The following PIK3R1 variants were observed in gnomAD, a reference collection of about 807,000 sequenced individuals.
PIK3R1 encodes the protein phosphatidylinositol 3-kinase regulatory subunit alpha.
A neutral mutation model predicts 98.0 loss-of-function variants in PIK3R1; 29 were observed. The ratio of observed to expected loss-of-function variants is 0.30; its 90% CI spans 0.22 to 0.40. The LOEUF is 0.40. PIK3R1 is among the 10% of genes least tolerant of loss of function. The pLI, the probability that PIK3R1 is intolerant of heterozygous loss-of-function variation, is 1.00. For synonymous variants in PIK3R1, 282 were observed against 311.8 expected (o/e 0.90, Z 1.01); for missense variants, 596 against 872.7 (o/e 0.68, Z 3.99).
At chr5:68,238,151 C>T (rs985790693) in intron 2 of PIK3R1, among the ~76,000 whole-genome samples, 6 of 152,162 alleles carry the variant, frequency 3.9e-5, no homozygotes, top group Non-Finnish European at 4.4e-5. Context: ...GAAAGTCAGG[C>T]GGTGAACGCA....
intron 2 of PIK3R1, among the ~76,000 whole-genome samples, chr5:68,265,585 T>G (rs1746090992): frequency 6.6e-6 from 1 of 152,152 alleles, no homozygotes; most frequent in Non-Finnish European, 1.5e-5. Context: ...AATCCCATCG[T>G]GAGAGCACTT....
chr5:68,298,647 A>C lies in PIK3R1; in HGVS notation c.*1046A>C, dbSNP rs1213028265. 1.3e-5 allele frequency: 3 copies of C among 232,832 alleles called. No individual in the cohort carries two copies. Among genetic ancestry groups the C allele is most frequent in the Non-Finnish European group, 2.5e-5 (3 of 117,798 alleles). The allele number at this position is 232,832 out of a possible 1,614,324, so 14.4% of individuals were successfully genotyped here. On this transcript the variant is annotated 3_prime_UTR_variant, in exon 16 of 16. Coordinates refer to ENST00000521381, the MANE Select transcript of PIK3R1 (RefSeq NM_181523.3). ...TTCTTGTACAGAGTACTTGGCTGTT[A>C]GCCCAAGGTTAAAAAGTTCATAACA...
intron 1 of PIK3R1, among the ~76,000 whole-genome samples, chr5:68,222,747 G>A (rs1744133542): frequency 6.6e-6 from 1 of 152,126 alleles, no homozygotes; most frequent in Non-Finnish European, 1.5e-5. Flanking sequence ...GAGTTAAAGA[G>A]GCAGACAGAC....
intron 2 of PIK3R1, among the ~76,000 whole-genome samples, chr5:68,252,386 TG>T (rs768378256): frequency 7.3e-6 from 1 of 137,646 alleles, no homozygotes; most frequent in African/African-American, 2.7e-5. Context: ...AAAAAAAAAG[TG>T]GGGGGATCAG....
In PIK3R1 at chr5:68,280,657, G is replaced by A. The variant is rs1746796928; in HGVS notation, c.764G>A (p.Ser255Asn). Residue 255 changes from serine (S) to asparagine (N), a missense_variant, in exon 6 of 16, where the codon AGC becomes AAC. Ser to Asn is a conservative substitution (Grantham distance 46). This residue lies in a region of PIK3R1 where 352 missense variants were observed against 393.3 expected (regional missense o/e 0.90). Coordinates refer to ENST00000521381, the MANE Select transcript of PIK3R1 (RefSeq NM_181523.3). ...KHFFKLSQTS[S>N]KNLLNARVLS... Reference sequence around the variant, plus strand: ...TTCTTCAAGCTCTCTCAAACCTCCAGCAAAAATCTGTTGAATGCAAGAGTA... The same window carrying A: ...TTCTTCAAGCTCTCTCAAACCTCCAACAAAAATCTGTTGAATGCAAGAGTA... 6.2e-7 allele frequency: 1 copy of A among 1,613,928 alleles called. No individual in the cohort carries two copies. Among genetic ancestry groups the A allele is most frequent in the Admixed American group, 1.7e-5 (1 of 60,000 alleles).
intron 9 of PIK3R1, 46 bp from the exon 10 acceptor site, chr5:68,293,257 C>A (rs1747493522): frequency 6.3e-7 from 1 of 1,593,968 alleles, no homozygotes; most frequent in East Asian, 2.2e-5. Flanking sequence ...AACATATTTC[C>A]TTATTCCAAA....
rs1747959938 is a variant in PIK3R1, at chr5:68,300,175, C to A, written c.*2574C>A. 1 of 233,088 alleles carries A rather than the reference C, an allele frequency of 4.3e-6. No homozygotes were observed. The highest frequency in any genetic ancestry group is 8.5e-6 in the Non-Finnish European group (1 of 118,032). 14.4% of individuals were successfully genotyped at this position (233,088 alleles called of 1,614,324 possible). On this transcript the variant is annotated 3_prime_UTR_variant, in exon 16 of 16. Transcript: ENST00000521381. ...TTAGGCATTTGCCTTATTTTTGCAT[C>A]TCACAAACATAAGTGCAATAGATCT...
chr5:68,285,835 AG>A (rs1405387921), intron 7 of PIK3R1, among the ~76,000 whole-genome samples: 2 of 152,214 alleles, frequency 1.3e-5, no homozygotes, highest in Non-Finnish European at 2.9e-5. Context: ...ATGTCAGTTA[AG>A]ACCAGTGGAT....
chr5:68,295,673 T>C, intron 14 of PIK3R1, 185 bp downstream of exon 14: 1 of 607,486 alleles, frequency 1.6e-6, no homozygotes, highest in South Asian at 2.0e-5. Context: ...TAAGGAGGAC[T>C]AGGATTTATT....
Position 68,226,638 on chromosome 5 carries a change from A to G in PIK3R1, c.-38A>G, listed in dbSNP as rs746745917. 1.2e-5 allele frequency: 18 copies of G among 1,540,436 alleles called. No individual in the cohort carries two copies. The highest frequency in any genetic ancestry group is 5.5e-5 in the African/African-American group (4 of 73,172). ...ACGTAAAATCAGACTGCTCTGTACA[A>G]CCAGGCTCAACTGTTGCATGGTAGC... On this transcript the variant is annotated 5_prime_UTR_variant, in exon 2 of 16. Coordinates refer to ENST00000521381, the MANE Select transcript of PIK3R1 (RefSeq NM_181523.3).
At chr5:68,231,123 G>T (rs1011758667) in intron 2 of PIK3R1, among the ~76,000 whole-genome samples, 31 of 152,346 alleles carry the variant, frequency 2.0e-4, no homozygotes, top group African/African-American at 7.2e-4. Context: ...TCTGTCATAT[G>T]TAAGCCATCC....
At position 68,299,418 on chromosome 5, in the gene PIK3R1, G is replaced by C. The variant is rs1747916895; in HGVS notation, c.*1817G>C. 4.3e-6 allele frequency: 1 copy of C among 233,350 alleles called. No homozygotes were observed. The highest frequency in any genetic ancestry group is 5.6e-5 in the Admixed American group (1 of 17,772). 14.5% of individuals were successfully genotyped at this position (233,350 alleles called of 1,614,324 possible). On this transcript the variant is annotated 3_prime_UTR_variant, in exon 16 of 16. Coordinates refer to ENST00000521381, the MANE Select transcript of PIK3R1 (RefSeq NM_181523.3). ...GTCCTTCTCATTCATTCTAATCATT[G>C]TATGTGCTTCACTACGGGGGGGAGA...
At chr5:68,255,225 C>T (rs1745462591) in intron 2 of PIK3R1, among the ~76,000 whole-genome samples, 1 of 152,146 alleles carries the variant, frequency 6.6e-6, no homozygotes, top group Non-Finnish European at 1.5e-5. Flanking sequence ...TTTTGGTCCT[C>T]TCAAAATTTT....
chr5:68,252,236 C>T (rs1018526885), intron 2 of PIK3R1, among the ~76,000 whole-genome samples: 1 of 152,150 alleles, frequency 6.6e-6, no homozygotes, highest in Admixed American at 6.5e-5. Flanking sequence ...TTCAGGCAGA[C>T]GTGAGCTTGC....
chr5:68,259,769 CCCAAAAGGGG>C, intron 2 of PIK3R1, among the ~76,000 whole-genome samples: 1 of 152,198 alleles, frequency 6.6e-6, no homozygotes. Flanking sequence ...TGAGCTGCCC[CCCAAAAGGGG>C]CACAGTTTGT....
intron 2 of PIK3R1, among the ~76,000 whole-genome samples, chr5:68,269,884 TAA>T (rs56762397): frequency 1.7e-4 from 25 of 149,428 alleles, no homozygotes; most frequent in Admixed American, 2.7e-4. Flanking sequence ...AATTGCTATT[TAA>T]AAAAAAAAAA....
intron 7 of PIK3R1, chr5:68,291,012 G>A (rs1747359419): frequency 3.8e-6 from 2 of 527,236 alleles, no homozygotes; most frequent in Non-Finnish European, 3.3e-6. Flanking sequence ...GTGGAAGCAA[G>A]CAGCTCAGGC....
At chr5:68,267,069 T>G (rs1055580114) in intron 2 of PIK3R1, among the ~76,000 whole-genome samples, 1 of 152,170 alleles carries the variant, frequency 6.6e-6, no homozygotes, top group Non-Finnish European at 1.5e-5. Context: ...TGGACTCAGG[T>G]ATAAATTATT....
chr5:68,228,684 C>G (rs899346584), intron 2 of PIK3R1, among the ~76,000 whole-genome samples: 1 of 149,248 alleles, frequency 6.7e-6, no homozygotes, highest in Non-Finnish European at 1.5e-5. Context: ...TTAATTTTTC[C>G]GAGAATACAG....
Sources: allele counts gnomAD v4.1 joint callset (sites outside exome capture counted in the v4.1 genomes callset), GRCh38; gene constraint gnomAD v4.1.1; regional missense constraint gnomAD v4.1.1; transcripts MANE v1.5; gene names NCBI Gene and HGNC (gene_info 2026-07-23, HGNC 2026-07-21).